Variants in ZNF292 observed in about 807,000 individuals in gnomAD.
The protein encoded by ZNF292 is 16 zinc-finger domain protein.
In ZNF292, 26 loss-of-function variants were observed where a neutral mutation model predicts 217.9. That is an observed-to-expected ratio of 0.12 (90% CI 0.09 to 0.17). The LOEUF is 0.17. Ranked by LOEUF, ZNF292 falls within the 10% of genes least tolerant of loss-of-function variation. The probability of loss-of-function intolerance (pLI) is 1.00; values close to 1 mark genes in which losing one functional copy is unlikely to be tolerated. For missense variants in ZNF292, 2,904 were observed against 3,175.2 expected, an observed-to-expected ratio of 0.91 and a Z score of 2.05; for synonymous variants, 1,257 against 1,124.1, an observed-to-expected ratio of 1.12 and a Z score of -2.37.
At position 87,155,733 on chromosome 6, in the gene ZNF292, A is replaced by G; in HGVS notation, c.142A>G (p.Thr48Ala). 6.2e-7 allele frequency: 1 copy of G among 1,600,126 alleles called. No homozygotes were observed. The highest frequency in any genetic ancestry group is 8.5e-7 in the Non-Finnish European group (1 of 1,175,042). ...CCGGGTACCGGCCGTGGAAGCGGCC[A>G]CCGACTACTGTCAGCAGCTGTGCCA... ...ESRVPAVEAA[T>A]DYCQQLCQTL... The change falls in exon 1 of 8, where the codon ACC becomes GCC. Residue 48 changes from threonine to alanine, a missense_variant. By Grantham distance (58) the Thr-to-Ala change is moderately conservative. Transcript: ENST00000369577.
intron 6 of ZNF292, among the ~76,000 whole-genome samples, chr6:87,244,242 A>G (rs917090929): frequency 2.0e-5 from 3 of 152,236 alleles, no homozygotes; most frequent in African/African-American, 7.2e-5. Flanking sequence ...TTGTGTAATC[A>G]ATAAAGATTG....
At chr6:87,165,625 C>A (rs988077167) in intron 1 of ZNF292, among the ~76,000 whole-genome samples, 2 of 152,136 alleles carry the variant, frequency 1.3e-5, no homozygotes, top group Non-Finnish European at 2.9e-5. Context: ...TTTAGAGGGT[C>A]ACTGGGATTC....
intron 1 of ZNF292, among the ~76,000 whole-genome samples, chr6:87,178,450 C>G (rs971166077): frequency 1.3e-5 from 2 of 152,132 alleles, no homozygotes; most frequent in African/African-American, 2.4e-5. Context: ...TATCTATATT[C>G]AGGGCAAGGA....
At chr6:87,250,167 A>G (rs1471983710) in intron 7 of ZNF292, among the ~76,000 whole-genome samples, 8 of 151,962 alleles carry the variant, frequency 5.3e-5, no homozygotes, top group African/African-American at 1.9e-4. Context: ...GAAAATATTC[A>G]GGGGCCAGGT....
intron 1 of ZNF292, among the ~76,000 whole-genome samples, chr6:87,203,754 G>C (rs971939726): frequency 1.7e-4 from 26 of 151,980 alleles, no homozygotes; most frequent in African/African-American, 6.3e-4. Flanking sequence ...TAGGGCCCAG[G>C]TGAGATGAGT....
At chr6:87,244,849 A>G (rs1297582408) in intron 6 of ZNF292, among the ~76,000 whole-genome samples, 1 of 152,102 alleles carries the variant, frequency 6.6e-6, no homozygotes, top group Non-Finnish European at 1.5e-5. Context: ...ATATATACAC[A>G]TGCACACACA....
intron 1 of ZNF292, among the ~76,000 whole-genome samples, chr6:87,184,612 G>A (rs887854275): frequency 1.3e-5 from 2 of 151,868 alleles, no homozygotes; most frequent in Admixed American, 6.6e-5. Context: ...AATAGGATAT[G>A]TATATAGATA....
At chr6:87,225,644 AT>A (rs1162206737) in intron 4 of ZNF292, among the ~76,000 whole-genome samples, 3 of 152,138 alleles carry the variant, frequency 2.0e-5, no homozygotes, top group African/African-American at 7.2e-5. Context: ...AATATAATTA[AT>A]TTTTAAACTC....
intron 1 of ZNF292, among the ~76,000 whole-genome samples, chr6:87,175,258 C>A (rs1771245717): frequency 6.6e-6 from 1 of 152,114 alleles, no homozygotes; most frequent in Admixed American, 6.5e-5. Context: ...TCGTTATTGC[C>A]AGACTTCTTG....
rs577816265 is a variant in ZNF292 at position 87,205,901 on chromosome 6, C to T, written c.169-10002C>T. 3.9e-5 allele frequency among the ~76,000 whole-genome samples: 6 copies of T among 152,208 alleles called. No homozygotes were observed. In the Middle Eastern group the frequency reaches 0.01, roughly 259 times the overall value. On this transcript the variant is annotated intron_variant, in intron 1 of 7. Transcript: ENST00000369577. ...AAGTTGGCTACTTAGTTATTTTCGC[C>T]AAATTTTGCATAATAAACCACTAAA...
chr6:87,172,542 T>C (rs1373174642), intron 1 of ZNF292, among the ~76,000 whole-genome samples: 2 of 152,088 alleles, frequency 1.3e-5, no homozygotes, highest in South Asian at 4.1e-4. Flanking sequence ...AGTTAAACAA[T>C]AGAAGTACTA....
chr6:87,203,703 G>A (rs1772162507), intron 1 of ZNF292, among the ~76,000 whole-genome samples: 1 of 152,006 alleles, frequency 6.6e-6, no homozygotes, highest in Non-Finnish European at 1.5e-5. Context: ...GATAAGGAGG[G>A]CACCATAGGG....
At chr6:87,216,178 T>C (rs570400571) in intron 2 of ZNF292, 121 bp downstream of exon 2, 17 of 1,335,292 alleles carry the variant, frequency 1.3e-5, no homozygotes, top group South Asian at 5.6e-5. Context: ...TCAAGTCTTA[T>C]AGTTTAATTT....
intron 1 of ZNF292, among the ~76,000 whole-genome samples, chr6:87,204,842 G>A (rs974717397): frequency 5.3e-5 from 8 of 152,060 alleles, no homozygotes; most frequent in Admixed American, 4.6e-4. Flanking sequence ...GGGATTACAG[G>A]CGTGAACCAC....
chr6:87,249,378 T>C, intron 7 of ZNF292: 1 of 427,924 alleles, frequency 2.3e-6, no homozygotes. Flanking sequence ...TCTCCGTGCC[T>C]TGGCCTTCCA....
chr6:87,168,518 G>T (rs888098949), intron 1 of ZNF292, among the ~76,000 whole-genome samples: 1 of 152,176 alleles, frequency 6.6e-6, no homozygotes, highest in Non-Finnish European at 1.5e-5. Flanking sequence ...TTGTCAGGCT[G>T]GAGTGCAGTG....
intron 4 of ZNF292, 96 bp downstream of exon 4, chr6:87,218,827 A>G (rs1304718176): frequency 2.3e-6 from 3 of 1,304,736 alleles, no homozygotes; most frequent in African/African-American, 1.5e-5. Flanking sequence ...AGATATTCCA[A>G]AGAAGGACCA....
chr6:87,183,378 A>G (rs1771528149), intron 1 of ZNF292, among the ~76,000 whole-genome samples: 1 of 152,176 alleles, frequency 6.6e-6, no homozygotes, highest in Admixed American at 6.5e-5. Context: ...ATATAACATG[A>G]AATTCAAGCA....
intron 1 of ZNF292, among the ~76,000 whole-genome samples, chr6:87,205,362 C>A (rs758469938): frequency 1.1e-4 from 17 of 152,172 alleles, no homozygotes; most frequent in Non-Finnish European, 2.2e-4. Flanking sequence ...ACATAAGCCA[C>A]CATGCCCAGC....
Sources: gnomAD v4.1 joint callset for allele counts (sites outside exome capture counted in the v4.1 genomes callset) on GRCh38, gnomAD v4.1.1 for gene constraint, MANE v1.5 for transcripts, NCBI Gene and HGNC (gene_info 2026-07-23, HGNC 2026-07-21) for gene names.